The following TBCEL variants were observed in gnomAD, a reference collection of about 807,000 sequenced individuals.
TBCEL encodes tubulin folding cofactor E like.
TBCEL carries 15 observed loss-of-function variants against 44.2 expected under a neutral mutation model. That is an observed-to-expected ratio of 0.34 (90% CI 0.23 to 0.52). TBCEL has a LOEUF of 0.52. Ranked by LOEUF, TBCEL falls within the 20% of genes least tolerant of loss-of-function variation. The pLI is 0.95. For missense variants in TBCEL, 319 were observed against 506.3 expected (o/e 0.63, Z 3.55); for synonymous variants, 171 against 185.4 (o/e 0.92, Z 0.63).
At chr11:121,079,922 C>G (rs1946094936) in intron 8 of TBCEL, among the ~76,000 whole-genome samples, 1 of 152,138 alleles carries the variant, frequency 6.6e-6, no homozygotes, top group Non-Finnish European at 1.5e-5. Flanking sequence ...TCAAGCAATT[C>G]TCCTGCCTTA....
intron 6 of TBCEL, 22 bp downstream of exon 6, chr11:121,055,330 A>T: frequency 6.4e-7 from 1 of 1,558,252 alleles, no homozygotes; most frequent in Non-Finnish European, 8.7e-7. Flanking sequence ...GCTTGTTCTT[A>T]TTCTACATGC....
chr11:121,030,202 A>G (rs1255156888), intron 1 of TBCEL, among the ~76,000 whole-genome samples: 1 of 152,226 alleles, frequency 6.6e-6, no homozygotes, highest in African/African-American at 2.4e-5. Context: ...GGGGGAAATC[A>G]GCTTGGCAAG....
intron 8 of TBCEL, among the ~76,000 whole-genome samples, chr11:121,066,520 C>G (rs1002841914): frequency 1.3e-5 from 2 of 152,166 alleles, no homozygotes; most frequent in African/African-American, 2.4e-5. Flanking sequence ...AGTACCTGTT[C>G]CTTAGTAGTT....
chr11:121,040,348 G>A (rs1346679967), intron 2 of TBCEL, among the ~76,000 whole-genome samples: 1 of 152,180 alleles, frequency 6.6e-6, no homozygotes, highest in Non-Finnish European at 1.5e-5. Context: ...CAAAGGAAAT[G>A]GAACTGTGCA....
At chr11:121,074,564 G>A (rs1357092488) in intron 8 of TBCEL, among the ~76,000 whole-genome samples, 3 of 151,460 alleles carry the variant, frequency 2.0e-5, no homozygotes, top group Middle Eastern at 3.2e-3. Context: ...CTATCTTTTA[G>A]TAGTGTCCTT....
intron 1 of TBCEL, chr11:121,036,250 C>T (rs930270023): frequency 6.6e-6 from 1 of 152,106 alleles, no homozygotes; most frequent in South Asian, 2.1e-4. Flanking sequence ...TCTGATCCTG[C>T]TTTGAATAAA....
intron 2 of TBCEL, 38 bp from the exon 3 acceptor site, chr11:121,045,636 A>G (rs1250427672): frequency 2.7e-6 from 4 of 1,493,908 alleles, no homozygotes; most frequent in Middle Eastern, 1.8e-4. Flanking sequence ...GAGTAAATAC[A>G]TAATTACATA....
intron 8 of TBCEL, among the ~76,000 whole-genome samples, chr11:121,080,807 G>A (rs1242331971): frequency 6.6e-6 from 1 of 152,186 alleles, no homozygotes; most frequent in African/African-American, 2.4e-5. Context: ...TGGGAATCAA[G>A]AGTGAGGATT....
intron 1 of TBCEL, among the ~76,000 whole-genome samples, chr11:121,032,310 A>G (rs1256032241): frequency 6.6e-6 from 1 of 152,114 alleles, no homozygotes; most frequent in Non-Finnish European, 1.5e-5. Flanking sequence ...GGGTTGTTTA[A>G]CAGAATACAG....
Position 121,065,044 on chromosome 11 carries a change from T to C in TBCEL, c.956+4959T>C, listed in dbSNP as rs530863610. Among the ~76,000 whole-genome samples the C allele has an allele frequency of 2.2e-3, 338 of 152,198 alleles. 3 individuals carry two copies. Among genetic ancestry groups the C allele is most frequent in the African/African-American group, 6.3e-3 (262 of 41,528 alleles). On this transcript the variant is annotated intron_variant, in intron 8 of 8. Transcript: ENST00000683345. ...GGTTTCACCATGTTAGCCAGGATGG[T>C]CTTGATCTCCTGACCTCGTGATCCG...
rs1283657211 is a variant in TBCEL at position 121,036,601 on chromosome 11, T to C, written c.-29T>C. ...ATGAAGAAAGAAGTGTTTAGAAATA[T>C]CACACAAACAGGTACTTCAGTCTAA... On this transcript the variant is annotated 5_prime_UTR_variant, in exon 2 of 9. Transcript: ENST00000683345. 6.6e-6 allele frequency: 1 copy of C among 152,194 alleles called. No individual in the cohort carries two copies. The highest frequency in any genetic ancestry group is 1.5e-5 in the Non-Finnish European group (1 of 68,030). 9.4% of individuals were successfully genotyped at this position (152,194 alleles called of 1,614,324 possible).
intron 8 of TBCEL, among the ~76,000 whole-genome samples, chr11:121,080,364 C>T (rs1017319628): frequency 6.6e-6 from 1 of 152,164 alleles, no homozygotes; most frequent in Non-Finnish European, 1.5e-5. Flanking sequence ...CATGAATACA[C>T]CTCTAGACAG....
At chr11:121,047,904 TG>T (rs1285845494) in intron 4 of TBCEL, 1 of 290,938 alleles carries the variant, frequency 3.4e-6, no homozygotes, top group East Asian at 5.5e-5. Flanking sequence ...AAGACCAGTC[TG>T]GGCAACATAG....
intron 2 of TBCEL, among the ~76,000 whole-genome samples, chr11:121,038,336 C>T (rs887370146): frequency 6.6e-6 from 1 of 152,090 alleles, no homozygotes; most frequent in Non-Finnish European, 1.5e-5. Context: ...TGATTTATTT[C>T]ATCTTTCCTG....
At chr11:121,026,658 G>C (rs1176282210) in intron 1 of TBCEL, among the ~76,000 whole-genome samples, 1 of 152,102 alleles carries the variant, frequency 6.6e-6, no homozygotes, top group African/African-American at 2.4e-5. Context: ...AATCTTTCTT[G>C]CCTTTAATTA....
chr11:121,025,228 A>G (rs1184936606), intron 1 of TBCEL, among the ~76,000 whole-genome samples: 2 of 152,170 alleles, frequency 1.3e-5, no homozygotes, highest in African/African-American at 4.8e-5. Context: ...AAGTCCAAAT[A>G]CAGGCTGAGC....
intron 7 of TBCEL, 68 bp from the exon 8 acceptor site, chr11:121,059,901 T>A: frequency 9.1e-7 from 1 of 1,104,626 alleles, no homozygotes; most frequent in Non-Finnish European, 1.3e-6. Flanking sequence ...ACAAGCCAAT[T>A]AGTTTCTTTC....
At chr11:121,083,190 C>G (rs1591423649) in intron 8 of TBCEL, among the ~76,000 whole-genome samples, 1 of 152,126 alleles carries the variant, frequency 6.6e-6, no homozygotes, top group African/African-American at 2.4e-5. Context: ...TTGTAGCAAT[C>G]TAGGTTATTA....
In TBCEL at chr11:121,053,595, C is replaced by T. The variant is rs773225869; in HGVS notation, c.318C>T (p.Asn106=). Residue 106 remains asparagine, a synonymous_variant, in exon 5 of 9, where the codon AAC becomes AAT. Coordinates refer to ENST00000683345, the MANE Select transcript of TBCEL (RefSeq NM_001363644.2). The part of the protein sequence containing the change: ...VSNVPQLEFL[N]LSSNPLNLSV... ...ATGTTCCTCAGTTGGAGTTTCTAAA[C>T]CTGAGTTCCAACCCTCTGAATTTGT... The T allele has an allele frequency of 8.1e-6, 13 of 1,612,102 alleles. No homozygotes were observed. In the Admixed American group the frequency reaches 1.2e-4, roughly 15 times the overall value.
Sources: gnomAD v4.1 joint callset for allele counts (sites outside exome capture counted in the v4.1 genomes callset) on GRCh38, gnomAD v4.1.1 for gene constraint, MANE v1.5 for transcripts, NCBI Gene and HGNC (gene_info 2026-07-23, HGNC 2026-07-21) for gene names.